GHR: variants seen among roughly 807,000 people sequenced by gnomAD.
GHR encodes GH receptor.
GHR carries 35 observed loss-of-function variants against 67.1 expected under a neutral mutation model. The ratio of observed to expected loss-of-function variants is 0.52; its 90% confidence interval spans 0.40 to 0.69. The LOEUF (loss-of-function observed/expected upper bound fraction) is 0.69. Ranked by LOEUF, GHR falls within the 30% of genes least tolerant of loss-of-function variation. The probability of loss-of-function intolerance (pLI) is 0.00; values close to 1 mark genes in which losing one functional copy is unlikely to be tolerated. For missense variants in GHR, 792 were observed against 764.6 expected (o/e 1.04, Z -0.42); for synonymous variants, 272 against 269.1 (o/e 1.01, Z -0.10).
chr5:42,467,063 C>T (rs745421645), intron 1 of GHR: 86 of 1,579,616 alleles, frequency 5.4e-5, no homozygotes, highest in Non-Finnish European at 7.2e-5. Context: ...GGTTTTTCTC[C>T]ATTATGGATT....
intron 3 of GHR, among the ~76,000 whole-genome samples, chr5:42,635,007 CAAA>C (rs200793751): frequency 7.5e-6 from 1 of 133,482 alleles, no homozygotes; most frequent in Non-Finnish European, 1.6e-5. Flanking sequence ...TTACCAAAAA[CAAA>C]AAAAAAAAAA....
intron 1 of GHR, among the ~76,000 whole-genome samples, chr5:42,534,882 T>C (rs1027675588): frequency 7.9e-5 from 12 of 152,130 alleles, no homozygotes; most frequent in African/African-American, 2.9e-4. Context: ...TGGTATCACA[T>C]TGTGGTTTTG....
chr5:42,709,279 G>T (rs564080276), intron 6 of GHR, among the ~76,000 whole-genome samples: 1 of 152,182 alleles, frequency 6.6e-6, no homozygotes, highest in East Asian at 1.9e-4. Context: ...GATTACAGGC[G>T]CAAGCCACCA....
chr5:42,476,286 T>C (rs1186118697), intron 1 of GHR, among the ~76,000 whole-genome samples: 1 of 150,596 alleles, frequency 6.6e-6, no homozygotes, highest in Non-Finnish European at 1.5e-5. Flanking sequence ...AGTGGCACAA[T>C]CTCGGCTCAC....
intron 1 of GHR, among the ~76,000 whole-genome samples, chr5:42,479,695 G>C (rs1036673094): frequency 1.3e-5 from 2 of 152,184 alleles, no homozygotes; most frequent in Non-Finnish European, 2.9e-5. Context: ...AGTATTCTCT[G>C]ATGGTAGTTT....
At chr5:42,552,542 A>C (rs1749088473) in intron 1 of GHR, among the ~76,000 whole-genome samples, 1 of 152,232 alleles carries the variant, frequency 6.6e-6, no homozygotes. Context: ...TTTTAAAAAT[A>C]AATAAATTGT....
intron 3 of GHR, among the ~76,000 whole-genome samples, chr5:42,657,446 G>A (rs910113358): frequency 2.0e-5 from 3 of 152,116 alleles, no homozygotes; most frequent in African/African-American, 7.2e-5. Context: ...TCTATCCTTT[G>A]GTGATGGTTA....
intron 1 of GHR, among the ~76,000 whole-genome samples, chr5:42,545,472 A>G (rs769956780): frequency 1.3e-5 from 2 of 152,206 alleles, no homozygotes; most frequent in Non-Finnish European, 2.9e-5. Flanking sequence ...TTTATACTAC[A>G]TTAGTACTTA....
intron 1 of GHR, among the ~76,000 whole-genome samples, chr5:42,476,284 A>G (rs1238154880): frequency 6.7e-6 from 1 of 149,012 alleles, no homozygotes; most frequent in African/African-American, 2.5e-5. Context: ...GCAGTGGCAC[A>G]ATCTCGGCTC....
chr5:42,638,509 A>G (rs1220041230), intron 3 of GHR, among the ~76,000 whole-genome samples: 1 of 152,222 alleles, frequency 6.6e-6, no homozygotes, highest in Non-Finnish European at 1.5e-5. Flanking sequence ...TTTATGATAT[A>G]GTCTATTGTT....
rs1742727895 is a variant in GHR, at chr5:42,423,963, A to G, written c.-12+8A>G. The G allele has an allele frequency of 6.5e-6, 1 of 153,866 alleles. No homozygotes were observed. Among genetic ancestry groups the G allele is most frequent in the Non-Finnish European group, 1.5e-5 (1 of 68,460 alleles). 9.5% of individuals were successfully genotyped at this position (153,866 alleles called of 1,614,324 possible). ...CAGAGGCGAAGCTCGGAGGTACTGG[A>G]GTGGGGCTCCGGGAGTCTGGCTTTA... On this transcript the variant is annotated splice_region_variant and intron_variant, in intron 1 of 9. Transcript: ENST00000230882.
chr5:42,487,704 C>T (rs1169928060), intron 1 of GHR, among the ~76,000 whole-genome samples: 2 of 152,058 alleles, frequency 1.3e-5, no homozygotes, highest in African/African-American at 4.8e-5. Context: ...AGGGAAATAC[C>T]ATTTGTCTTC....
intron 1 of GHR, among the ~76,000 whole-genome samples, chr5:42,470,028 A>AAT (rs532770536): frequency 1.3e-3 from 183 of 145,118 alleles, no homozygotes; most frequent in African/African-American, 4.3e-3. Context: ...GTATATAAAT[A>AAT]ATATATATAT....
chr5:42,592,484 T>G (rs67331131), intron 2 of GHR, among the ~76,000 whole-genome samples: 23,125 of 152,266 alleles, frequency 0.15, 2,072 homozygotes, highest in Middle Eastern at 0.27. Context: ...TACTCAGTGT[T>G]TAGCTCCCAC....
At chr5:42,645,892 G>T (rs1423539345) in intron 3 of GHR, among the ~76,000 whole-genome samples, 1 of 152,194 alleles carries the variant, frequency 6.6e-6, no homozygotes, top group Non-Finnish European at 1.5e-5. Context: ...ACTGAGGAGA[G>T]TACTCATTTG....
At chr5:42,431,437 G>C (rs781743109) in intron 1 of GHR, among the ~76,000 whole-genome samples, 1 of 152,014 alleles carries the variant, frequency 6.6e-6, no homozygotes, top group African/African-American at 2.4e-5. Context: ...TTTAATATAG[G>C]CAAATAAAGC....
rs147627180 is a variant in GHR at position 42,494,449 on chromosome 5, T to A, written c.-12+70494T>A. Reference sequence around the variant, plus strand: ...GAAAAAATGTCTCCTTGCGTCCTCTTCTGCTTAAAACTCCCCCAGTACCAT... The same window carrying A: ...GAAAAAATGTCTCCTTGCGTCCTCTACTGCTTAAAACTCCCCCAGTACCAT... On this transcript the variant is annotated intron_variant, in intron 1 of 9. Coordinates refer to ENST00000230882, the MANE Select transcript of GHR (RefSeq NM_000163.5). Among the ~76,000 whole-genome samples, 47 of 152,258 alleles carry A rather than the reference T, an allele frequency of 3.1e-4. 1 individual carries two copies. Among genetic ancestry groups the A allele is most frequent in the African/African-American group, 1.1e-3 (47 of 41,560 alleles).
In GHR at chr5:42,438,118, T is replaced by C. The variant is rs191810819; in HGVS notation, c.-12+14163T>C. On this transcript the variant is annotated intron_variant, in intron 1 of 9. Transcript: ENST00000230882. ...ATTAGTTTGCTTAAGCAATTACTTC[T>C]GTGTAAGCAACATTAATGAAGTGCT... is the stretch of plus-strand genomic sequence containing the variant. Among the ~76,000 whole-genome samples the C allele has an allele frequency of 4.0e-4, 61 of 152,348 alleles. 1 individual carries two copies. The East Asian group carries it at 0.011, about 28-fold the overall frequency.
intron 1 of GHR, among the ~76,000 whole-genome samples, chr5:42,460,528 T>C (rs560710835): frequency 6.6e-6 from 1 of 152,312 alleles, no homozygotes; most frequent in African/African-American, 2.4e-5. Context: ...TCCAGGAAGT[T>C]TGGAATGGAT....
Sources: gnomAD v4.1 joint callset for allele counts (sites outside exome capture counted in the v4.1 genomes callset) on GRCh38, gnomAD v4.1.1 for gene constraint, MANE v1.5 for transcripts, NCBI Gene and HGNC (gene_info 2026-07-23, HGNC 2026-07-21) for gene names.